Variants in TMEM91 observed in about 807,000 individuals in gnomAD.
TMEM91 encodes the protein dispanin subfamily C member 3.
In TMEM91, 6 loss-of-function variants were observed where a neutral mutation model predicts 13.3. The observed-to-expected ratio is 0.45, with a 90% CI of 0.25 to 0.89. The LOEUF (loss-of-function observed/expected upper bound fraction) is 0.89. Among genes scored for constraint, TMEM91 ranks in the 40% least tolerant of loss-of-function variants. TMEM91 has a pLI of 0.19. For missense variants in TMEM91, 193 were observed against 228.7 expected (o/e 0.84, Z 1.01); for synonymous variants, 87 against 101.7 (o/e 0.86, Z 0.87).
At position 41,382,932 on chromosome 19, in the gene TMEM91, G is replaced by A. The variant is rs773732466; in HGVS notation, c.360+11G>A. On this transcript the variant is annotated intron_variant, in intron 3 of 3. Coordinates refer to ENST00000392002, the MANE Select transcript of TMEM91 (RefSeq NM_001098821.2). ...TGTCTAGCCCAGAAGGTCAGTCTGT[G>A]TGTGGGACTTGGAGGGGACTGGGCA... 1.2e-6 allele frequency: 2 copies of A among 1,612,876 alleles called. No individual in the cohort carries two copies. The highest frequency in any genetic ancestry group is 1.7e-6 in the Non-Finnish European group (2 of 1,179,290).
At chr19:41,378,950 G>A (rs1442751502) in intron 2 of TMEM91, among the ~76,000 whole-genome samples, 3 of 151,858 alleles carry the variant, frequency 2.0e-5, no homozygotes, top group African/African-American at 7.3e-5. Context: ...TCCCACCTCA[G>A]CCTCCTGAGT....
upstream of TMEM91, among the ~76,000 whole-genome samples, chr19:41,371,899 G>A (rs1292178635): frequency 6.6e-6 from 1 of 151,646 alleles, no homozygotes; most frequent in South Asian, 2.1e-4. Flanking sequence ...TTTTGACTTG[G>A]AGTCTTGCTC....
At chr19:41,378,160 A>G (rs2038771642) in intron 1 of TMEM91, 121 bp from the exon 2 acceptor site, 1 of 699,026 alleles carries the variant, frequency 1.4e-6, no homozygotes. Context: ...CTGTATCTGT[A>G]AAATGGGTCT....
chr19:41,378,234 T>A (rs2038773896), intron 1 of TMEM91, 47 bp from the exon 2 acceptor site: 1 of 1,454,322 alleles, frequency 6.9e-7, no homozygotes, highest in Non-Finnish European at 9.5e-7. Flanking sequence ...AGAGGTTGAG[T>A]GAAGTGAGAC....
chr19:41,367,414 C>T (rs1221287523), intron 1 of TMEM91, among the ~76,000 whole-genome samples: 1 of 151,904 alleles, frequency 6.6e-6, no homozygotes, highest in Admixed American at 6.6e-5. Flanking sequence ...GGGCAAATCA[C>T]GAGGTCAGGG....
At position 41,367,503 on chromosome 19, in the gene TMEM91, C is replaced by T. The variant is rs569551949; in HGVS notation, c.-30+3408C>T. ...AAAATTAGCTGGGCATGGCGGCGGG[C>T]GCCTGTAATCCCAAGTACTCGGGAG... On this transcript the variant is annotated intron_variant, in intron 1 of 3. Transcript: ENST00000413014. 3.8e-4 allele frequency among the ~76,000 whole-genome samples: 58 copies of T among 151,556 alleles called. No homozygotes were observed. In the East Asian group the frequency reaches 0.011, roughly 28 times the overall value.
At chr19:41,377,578 A>T (rs1424948305) in intron 1 of TMEM91, among the ~76,000 whole-genome samples, 3 of 151,704 alleles carry the variant, frequency 2.0e-5, no homozygotes, top group Non-Finnish European at 4.4e-5. Flanking sequence ...CTGGGCCTGG[A>T]TAGGTGGTCA....
rs574329824 is a variant in TMEM91, at chr19:41,382,807, T to C, written c.246T>C (p.Asp82=). ...CCAGTGACAGTGACTCGGACTGGGA[T>C]GGAGGCAGCCGTCTTTCACCATTTC... ...MSSSDSDSDW[D]GGSRLSPFLP... The change falls in exon 3 of 4, where the codon GAT becomes GAC. Residue 82 remains aspartate, a synonymous_variant. Transcript: ENST00000392002. The C allele has an allele frequency of 2.0e-5, 33 of 1,614,170 alleles. No homozygotes were observed. In the South Asian group the frequency reaches 3.0e-4, roughly 15 times the overall value.
At chr19:41,374,953 A>G (rs1162473563), upstream of TMEM91, among the ~76,000 whole-genome samples, 1 of 152,178 alleles carries the variant, frequency 6.6e-6, no homozygotes, top group Non-Finnish European at 1.5e-5. Flanking sequence ...ATTGCCCTCC[A>G]GCCTGGGCAA....
chr19:41,371,836 G>A (rs1293315600), upstream of TMEM91, among the ~76,000 whole-genome samples: 1 of 152,000 alleles, frequency 6.6e-6, no homozygotes, highest in Non-Finnish European at 1.5e-5. Context: ...GTCCTCAAGG[G>A]TCATCCAGGT....
chr19:41,382,382 G>A (rs932156976), intron 2 of TMEM91, among the ~76,000 whole-genome samples: 3 of 152,106 alleles, frequency 2.0e-5, no homozygotes, highest in African/African-American at 7.2e-5. Flanking sequence ...CTGGCACTTT[G>A]GGAGGCCAAG....
intron 2 of TMEM91, 28 bp from the exon 3 acceptor site, chr19:41,382,744 G>A: frequency 6.2e-7 from 1 of 1,604,734 alleles, no homozygotes; most frequent in Non-Finnish European, 8.5e-7. Context: ...GGATGGAGAT[G>A]CCCACCTGGG....
intron 1 of TMEM91, among the ~76,000 whole-genome samples, chr19:41,364,902 T>C (rs1252380981): frequency 1.3e-5 from 2 of 151,588 alleles, no homozygotes; most frequent in Non-Finnish European, 2.9e-5. Context: ...CTTAAAAGGG[T>C]CTCACTCTGT....
At chr19:41,382,662 T>C in intron 2 of TMEM91, 110 bp from the exon 3 acceptor site, 1 of 1,424,778 alleles carries the variant, frequency 7.0e-7, no homozygotes, top group Non-Finnish European at 9.4e-7. Context: ...TCTTTGTATC[T>C]CTGGGGAAGC....
chr19:41,382,569 G>T (rs1251347778), intron 2 of TMEM91, among the ~76,000 whole-genome samples: 3 of 152,198 alleles, frequency 2.0e-5, no homozygotes, highest in African/African-American at 4.8e-5. Context: ...AGCCGAGACT[G>T]TGCCATTGTA....
Position 41,378,302 on chromosome 19 carries a change from C to A in TMEM91, c.-8C>A. On this transcript the variant is annotated 5_prime_UTR_variant, in exon 2 of 4. Transcript: ENST00000392002. ...CTAGGAAACCCCTCCTGGAGTTTCC[C>A]CAAAGCCATGGACAGCCCTAGTCTT... is the stretch of plus-strand genomic sequence containing the variant. The A allele has an allele frequency of 6.2e-7, 1 of 1,610,762 alleles. No homozygotes were observed. Among genetic ancestry groups the A allele is most frequent in the South Asian group, 1.1e-5 (1 of 91,026 alleles).
At chr19:41,383,207 C>T in intron 3 of TMEM91, 3 of 447,344 alleles carry the variant, frequency 6.7e-6, no homozygotes, top group Non-Finnish European at 1.2e-5. Context: ...GCGCGCGCTA[C>T]CATGCCTGGC....
At position 41,378,250 on chromosome 19, in the gene TMEM91, C is replaced by T. The variant is rs73931468; in HGVS notation, c.-29-31C>T. ...GAGGTTGAGTGAAGTGAGACTTTTA[C>T]AACTTGTCTTTTTCTTCCCCCTACC... On this transcript the variant is annotated intron_variant, in intron 1 of 3. Coordinates refer to ENST00000392002, the MANE Select transcript of TMEM91 (RefSeq NM_001098821.2). 7.5e-3 allele frequency: 11,497 copies of T among 1,541,938 alleles called. 671 individuals are homozygous for T. The African/African-American group carries it at 0.13, about 18-fold the overall frequency.
upstream of TMEM91, chr19:41,374,033 T>C (rs750766737): frequency 2.0e-5 from 3 of 152,218 alleles, no homozygotes; most frequent in Non-Finnish European, 4.4e-5. Flanking sequence ...AGATAGAAAG[T>C]AACAGGGCAT....
Sources: allele counts gnomAD v4.1 joint callset (sites outside exome capture counted in the v4.1 genomes callset), GRCh38; gene constraint gnomAD v4.1.1; transcripts MANE v1.5; gene names NCBI Gene and HGNC (gene_info 2026-07-23, HGNC 2026-07-21).